The following FARP1 variants were observed in gnomAD, a reference collection of about 807,000 sequenced individuals.
FARP1 encodes the protein FERM, ARH/RhoGEF and pleckstrin domain protein 1.
In FARP1, 52 loss-of-function variants were observed where a neutral mutation model predicts 128.8. That is an observed-to-expected ratio of 0.40 (90% CI 0.32 to 0.51). The LOEUF (loss-of-function observed/expected upper bound fraction) is 0.51, where lower values mean the gene tolerates loss of function less well. Ranked by LOEUF, FARP1 falls within the 20% of genes least tolerant of loss-of-function variation. The pLI, the probability that FARP1 is intolerant of heterozygous loss-of-function variation, is 0.45. For synonymous variants in FARP1, 580 were observed against 551.8 expected, an observed-to-expected ratio of 1.05 and a Z score of -0.72; for missense variants, 1,333 against 1,367.9, an observed-to-expected ratio of 0.97 and a Z score of 0.40.
chr13:98,444,886 G>T (rs1892725888), intron 24 of FARP1, among the ~76,000 whole-genome samples: 1 of 152,224 alleles, frequency 6.6e-6, no homozygotes, highest in South Asian at 2.1e-4. Context: ...CATCAGCCCA[G>T]CCCTGGCCAC....
At chr13:98,183,674 G>A (rs983165919) in intron 1 of FARP1, among the ~76,000 whole-genome samples, 13 of 152,108 alleles carry the variant, frequency 8.5e-5, no homozygotes, top group African/African-American at 2.2e-4. Context: ...TTCAGTGGTC[G>A]CTCATCTTTG....
chr13:98,221,492 C>CTA (rs1260034543), intron 2 of FARP1, among the ~76,000 whole-genome samples: 1 of 152,182 alleles, frequency 6.6e-6, no homozygotes, highest in African/African-American at 2.4e-5. Flanking sequence ...TTTGGAAGGT[C>CTA]TATAAGAACC....
intron 1 of FARP1, among the ~76,000 whole-genome samples, chr13:98,145,065 T>C (rs545656147): frequency 2.0e-5 from 3 of 152,242 alleles, no homozygotes; most frequent in Admixed American, 6.5e-5. Context: ...CTAATAGATC[T>C]GCTTCTGGGT....
chr13:98,231,542 ATTC>A (rs1390772106), intron 2 of FARP1, among the ~76,000 whole-genome samples: 4 of 152,134 alleles, frequency 2.6e-5, no homozygotes, highest in Non-Finnish European at 4.4e-5. Flanking sequence ...GGACCAAGTG[ATTC>A]TCCTGCCTCA....
At chr13:98,160,397 A>T (rs1876794659) in intron 1 of FARP1, among the ~76,000 whole-genome samples, 1 of 152,130 alleles carries the variant, frequency 6.6e-6, no homozygotes, top group Non-Finnish European at 1.5e-5. Flanking sequence ...TCCTACACAG[A>T]TCGTAAGGAT....
At chr13:98,444,364 T>TG (rs144161348) in intron 24 of FARP1, among the ~76,000 whole-genome samples, 42,403 of 151,942 alleles carry the variant, frequency 0.28, 7,104 homozygotes, top group East Asian at 0.46. Flanking sequence ...TCTGAGGGAA[T>TG]GGGATCCAAG....
At chr13:98,289,456 A>T (rs1357429784) in intron 2 of FARP1, among the ~76,000 whole-genome samples, 2 of 152,216 alleles carry the variant, frequency 1.3e-5, no homozygotes, top group East Asian at 3.8e-4. Context: ...CCAATGATAG[A>T]TGAAAAGCAT....
intron 26 of FARP1, chr13:98,447,108 T>G (rs1165690777): frequency 2.9e-6 from 1 of 348,768 alleles, no homozygotes; most frequent in African/African-American, 2.1e-5. Flanking sequence ...TAAGCCCCAG[T>G]GAGACTGCCT....
intron 1 of FARP1, among the ~76,000 whole-genome samples, chr13:98,148,456 A>G (rs1875738118): frequency 6.6e-6 from 1 of 152,166 alleles, no homozygotes. Context: ...ACTGACTCCT[A>G]CCTTAGCATT....
Position 98,377,816 on chromosome 13 carries a change from C to A in FARP1, c.399-5C>A, listed in dbSNP as rs754362294. 1 of 1,612,358 alleles carries A rather than the reference C, an allele frequency of 6.2e-7. No individual in the cohort carries two copies. Among genetic ancestry groups the A allele is most frequent in the South Asian group, 1.1e-5 (1 of 91,046 alleles). ...CCTGACGCCCAGCTCTGTTGATCTT[C>A]GCAGGTACCTGTTCGCGCTGCAGGT... On this transcript the variant is annotated splice_polypyrimidine_tract_variant and splice_region_variant and intron_variant, in intron 5 of 26. Coordinates refer to ENST00000319562, the MANE Select transcript of FARP1 (RefSeq NM_005766.4).
At chr13:98,441,970 C>T (rs563186724) in intron 24 of FARP1, among the ~76,000 whole-genome samples, 1 of 150,490 alleles carries the variant, frequency 6.6e-6, no homozygotes, top group African/African-American at 2.4e-5. Flanking sequence ...AGGCCCATAG[C>T]TGTGTTTCAG....
At chr13:98,202,671 TAAA>T (rs1238290304) in intron 1 of FARP1, among the ~76,000 whole-genome samples, 2 of 152,192 alleles carry the variant, frequency 1.3e-5, no homozygotes, top group African/African-American at 4.8e-5. Context: ...TAGATTAAAT[TAAA>T]AATTGTTTAA....
rs547911247 is a variant in FARP1, at chr13:98,241,974, A to G, written c.171+28561A>G. Among the ~76,000 whole-genome samples, 49 of 152,240 alleles carry G rather than the reference A, an allele frequency of 3.2e-4. No homozygotes were observed. In the South Asian group the frequency reaches 1.0e-2, roughly 31 times the overall value. On this transcript the variant is annotated intron_variant, in intron 2 of 26. Transcript: ENST00000319562. Reference sequence around the variant, plus strand: ...TAAAAAATTAACCAGGCACGGTGGTATGTGCCTGTAGTCCCAGCTACTCAG... The same window carrying G: ...TAAAAAATTAACCAGGCACGGTGGTGTGTGCCTGTAGTCCCAGCTACTCAG...
intron 3 of FARP1, among the ~76,000 whole-genome samples, chr13:98,358,003 G>A (rs1240310048): frequency 1.3e-5 from 2 of 152,010 alleles, no homozygotes; most frequent in Non-Finnish European, 2.9e-5. Context: ...TTTCCAGACT[G>A]GCTGATGGGA....
chr13:98,277,135 CA>C (rs1303285378), intron 2 of FARP1, among the ~76,000 whole-genome samples: 2 of 149,212 alleles, frequency 1.3e-5, no homozygotes, highest in Non-Finnish European at 3.0e-5. Context: ...CACACACACA[CA>C]CACACACACA....
intron 16 of FARP1, among the ~76,000 whole-genome samples, chr13:98,416,192 A>G (rs1315507346): frequency 1.3e-5 from 2 of 152,226 alleles, no homozygotes; most frequent in Non-Finnish European, 2.9e-5. Context: ...CAACGTTGGT[A>G]TGTTACATTA....
intron 2 of FARP1, among the ~76,000 whole-genome samples, chr13:98,297,489 G>A (rs552958231): frequency 6.6e-6 from 1 of 152,126 alleles, no homozygotes; most frequent in South Asian, 2.1e-4. Context: ...TTGTTCTTAG[G>A]AATTTTAACA....
intron 19 of FARP1, among the ~76,000 whole-genome samples, chr13:98,438,316 G>A (rs183991972): frequency 2.2e-4 from 33 of 152,218 alleles, no homozygotes; most frequent in Non-Finnish European, 3.7e-4. Context: ...GTGGCCTCTC[G>A]GTCCTCAAGG....
chr13:98,351,723 G>A (rs1394890919), intron 3 of FARP1, among the ~76,000 whole-genome samples: 1 of 152,120 alleles, frequency 6.6e-6, no homozygotes, highest in Non-Finnish European at 1.5e-5. Context: ...GGCAGAAGGT[G>A]AAGTAGGAAC....
Sources: gnomAD v4.1 joint callset for allele counts (sites outside exome capture counted in the v4.1 genomes callset) on GRCh38, gnomAD v4.1.1 for gene constraint, MANE v1.5 for transcripts, NCBI Gene and HGNC (gene_info 2026-07-23, HGNC 2026-07-21) for gene names.